The following PCDHGB6 variants were observed in gnomAD, a reference collection of about 807,000 sequenced individuals.
The protein encoded by PCDHGB6 is protocadherin gamma subfamily B, 6, also known as protocadherin gamma-B6.
A neutral mutation model predicts 59.1 loss-of-function variants in PCDHGB6; 51 were observed. The observed-to-expected ratio is 0.86, with a 90% CI of 0.69 to 1.09. The LOEUF is 1.09. PCDHGB6 is among the 50% of genes least tolerant of loss of function. The pLI is 0.00. For synonymous variants in PCDHGB6, 466 were observed against 495.1 expected (o/e 0.94, Z 0.78); for missense variants, 1,148 against 1,205.1 (o/e 0.95, Z 0.70).
intron 1 of PCDHGB6, among the ~76,000 whole-genome samples, chr5:141,494,397 A>G (rs965158973): frequency 7.2e-5 from 11 of 152,208 alleles, no homozygotes; most frequent in African/African-American, 2.4e-4. Flanking sequence ...GAATAAATTC[A>G]TTCTAGGGCT....
intron 1 of PCDHGB6, among the ~76,000 whole-genome samples, chr5:141,460,992 T>C (rs2099006034): frequency 6.6e-6 from 1 of 151,316 alleles, no homozygotes; most frequent in South Asian, 2.1e-4. Context: ...TGTATATATA[T>C]ATATGTGTAT....
intron 1 of PCDHGB6, among the ~76,000 whole-genome samples, chr5:141,436,181 T>A (rs1050736907): frequency 1.3e-5 from 2 of 152,092 alleles, no homozygotes; most frequent in African/African-American, 4.8e-5. Context: ...TCATATATAG[T>A]CAAATAGAAA....
At chr5:141,448,639 T>C (rs1248697237) in intron 1 of PCDHGB6, among the ~76,000 whole-genome samples, 1 of 152,148 alleles carries the variant, frequency 6.6e-6, no homozygotes, top group Non-Finnish European at 1.5e-5. Context: ...CATTATATCC[T>C]TTAAAAATAT....
chr5:141,408,053 TC>T lies in PCDHGB6; in HGVS notation c.-147del. The T allele has an allele frequency of 7.8e-7, 1 of 1,288,090 alleles. No individual in the cohort carries two copies. The highest frequency in any genetic ancestry group is 1.6e-5 in the South Asian group (1 of 62,908). 79.8% of individuals were successfully genotyped at this position (1,288,090 alleles called of 1,614,324 possible). A position where few individuals can be genotyped will look rare whatever the true frequency, so the allele number is the denominator to read the frequency against. On this transcript the variant is annotated 5_prime_UTR_variant, in exon 1 of 4. Coordinates refer to ENST00000520790, the MANE Select transcript of PCDHGB6 (RefSeq NM_018926.3). ...AGAAAACCAGCTCCCACACAGAGCC[TC>T]CCGGCTGCGCAGACCTTTCCCAGCA...
In PCDHGB6 at chr5:141,410,155, G is replaced by T; in HGVS notation, c.1953G>T (p.Gln651His). ...RLLVAVRDGG[Q>H]PPLSATATLH... ...TGGTCGCTGTGCGTGACGGTGGACA[G>T]CCGCCACTCTCTGCCACCGCCACGC... Residue 651 changes from glutamine to histidine, a missense_variant, in exon 1 of 4, where the codon CAG becomes CAT. Physicochemically the swap from Gln to His is conservative, Grantham distance 24 (BLOSUM62 0). Transcript: ENST00000520790. 1 of 1,612,898 alleles carries T rather than the reference G, an allele frequency of 6.2e-7. No homozygotes were observed.
chr5:141,410,156 C>T lies in PCDHGB6; in HGVS notation c.1954C>T (p.Pro652Ser). Residue 652 changes from proline (P) to serine (S), a missense_variant, in exon 1 of 4, where the codon CCG (proline) becomes TCG (serine). Coordinates refer to ENST00000520790, the MANE Select transcript of PCDHGB6 (RefSeq NM_018926.3). The stretch of plus-strand genomic sequence containing the variant: ...GGTCGCTGTGCGTGACGGTGGACAG[C>T]CGCCACTCTCTGCCACCGCCACGCT... ...LLVAVRDGGQ[P>S]PLSATATLHL... 1 of 1,613,514 alleles carries T rather than the reference C, an allele frequency of 6.2e-7. No individual in the cohort carries two copies. The highest frequency in any genetic ancestry group is 8.5e-7 in the Non-Finnish European group (1 of 1,179,798).
rs994881086 is a variant in PCDHGB6, at chr5:141,417,704, A to C, written c.2418+7084A>C. 1.0e-4 allele frequency: 125 copies of C among 1,207,342 alleles called. 3 individuals are homozygous for C. In the East Asian group the frequency reaches 2.7e-3, roughly 26 times the overall value. The allele number at this position is 1,207,342 out of a possible 1,614,324, so 74.8% of individuals were successfully genotyped here. Reference sequence around the variant, plus strand: ...CAGAAAAGAAAACCAGCTCCCACACAGAGGCTCCCGGCTGCGCAGACCTTG... The same window carrying C: ...CAGAAAAGAAAACCAGCTCCCACACCGAGGCTCCCGGCTGCGCAGACCTTG... On this transcript the variant is annotated intron_variant, in intron 1 of 3. Transcript: ENST00000520790.
At chr5:141,422,307 C>T in intron 1 of PCDHGB6, 4 of 1,547,552 alleles carry the variant, frequency 2.6e-6, no homozygotes, top group South Asian at 1.3e-5. Flanking sequence ...TTCTGGAAAA[C>T]TCTCCTCCAG....
chr5:141,432,264 C>A lies in PCDHGB6; in HGVS notation c.2418+21644C>A. On this transcript the variant is annotated intron_variant, in intron 1 of 3. Transcript: ENST00000520790. The surrounding 1 kb of genome is among the most constrained non-coding windows in gnomAD (Gnocchi z 6.0). Reference sequence around the variant, plus strand: ...AACACCATCCAAGGGGCAAGCCTATCGTCCTACGTGTCCATCAACTCCGAC... The same window carrying A: ...AACACCATCCAAGGGGCAAGCCTATAGTCCTACGTGTCCATCAACTCCGAC... 5 of 1,614,252 alleles carry A rather than the reference C, an allele frequency of 3.1e-6. No homozygotes were observed. Among genetic ancestry groups the A allele is most frequent in the Non-Finnish European group, 4.2e-6 (5 of 1,180,044 alleles).
chr5:141,441,442 C>G (rs938839707), intron 1 of PCDHGB6: 1 of 160,500 alleles, frequency 6.2e-6, no homozygotes, highest in African/African-American at 2.4e-5. Context: ...CTCGTCCAGC[C>G]CAAGCATCAC....
intron 1 of PCDHGB6, chr5:141,428,211 C>A: frequency 7.8e-7 from 1 of 1,284,316 alleles, no homozygotes; most frequent in Non-Finnish European, 1.1e-6. Context: ...CTACGCTTCA[C>A]CTAGTCTTCG....
At chr5:141,433,123 C>T (rs575738328) in intron 1 of PCDHGB6, 5 of 1,614,116 alleles carry the variant, frequency 3.1e-6, no homozygotes, top group African/African-American at 2.7e-5. Context: ...TTGAAAAAAG[C>T]GAGCCCCTTT....
At chr5:141,438,579 CAT>C (rs2097974137) in intron 1 of PCDHGB6, among the ~76,000 whole-genome samples, 1 of 55,780 alleles carries the variant, frequency 1.8e-5, no homozygotes, top group Admixed American at 2.8e-4. Context: ...GATATACATA[CAT>C]ACATACATAC....
intron 1 of PCDHGB6, chr5:141,430,838 G>C (rs866767896): frequency 1.3e-6 from 2 of 1,563,026 alleles, no homozygotes; most frequent in Middle Eastern, 1.7e-4. Context: ...GTGGGAGACC[G>C]GATGCACCCA....
At chr5:141,467,630 T>A (rs1483747040) in intron 1 of PCDHGB6, among the ~76,000 whole-genome samples, 2 of 152,194 alleles carry the variant, frequency 1.3e-5, no homozygotes, top group African/African-American at 4.8e-5. Flanking sequence ...TGAGATAGCA[T>A]CTTTATCATG....
At chr5:141,412,906 T>G in intron 1 of PCDHGB6, 1 of 384,208 alleles carries the variant, frequency 2.6e-6, no homozygotes, top group Non-Finnish European at 4.6e-6. Context: ...TTCCATTGCA[T>G]GTATCACTTG....
At chr5:141,424,698 T>G (rs1214214315) in intron 1 of PCDHGB6, 1 of 152,228 alleles carries the variant, frequency 6.6e-6, no homozygotes, top group Non-Finnish European at 1.5e-5. Context: ...GCTATTTTTT[T>G]GTTCATTTTC....
Position 141,408,855 on chromosome 5 carries a change from G to A in PCDHGB6, c.653G>A (p.Gly218Glu). ...HSLILTALDG[G>E]DPPRSATAHI... ...TTGATATTGACTGCCTTGGACGGAG[G>A]GGACCCACCAAGAAGTGCCACCGCT... Residue 218 changes from glycine to glutamate, a missense_variant, in exon 1 of 4, where the codon GGG becomes GAG. This residue lies in a region of PCDHGB6 where 307 missense variants were observed against 323.8 expected (regional missense o/e 0.95). Transcript: ENST00000520790. 6.2e-7 allele frequency: 1 copy of A among 1,613,572 alleles called. No homozygotes were observed. The highest frequency in any genetic ancestry group is 8.5e-7 in the Non-Finnish European group (1 of 1,179,822).
At chr5:141,444,299 G>A (rs1017908182) in intron 1 of PCDHGB6, among the ~76,000 whole-genome samples, 20 of 150,672 alleles carry the variant, frequency 1.3e-4, no homozygotes, top group Non-Finnish European at 2.7e-4. Context: ...AGCCTCCCTA[G>A]TAGCTAGGAT....
Sources: gnomAD v4.1 joint callset for allele counts (sites outside exome capture counted in the v4.1 genomes callset) on GRCh38, gnomAD v4.1.1 for gene constraint, gnomAD v4.1.1 regional missense constraint, Gnocchi (gnomAD v3.1) non-coding constraint, MANE v1.5 for transcripts, NCBI Gene and HGNC (gene_info 2026-07-23, HGNC 2026-07-21) for gene names.